Variants in PLA2G4E observed in about 807,000 individuals in gnomAD.
The protein encoded by PLA2G4E is phospholipase A2 group IVE, also known as cytosolic phospholipase A2 epsilon.
A neutral mutation model predicts 109.1 loss-of-function variants in PLA2G4E; 84 were observed. The ratio of observed to expected loss-of-function variants is 0.77; its 90% CI spans 0.65 to 0.92. The LOEUF (loss-of-function observed/expected upper bound fraction) is 0.92. PLA2G4E is among the 40% of genes least tolerant of loss of function. PLA2G4E has a pLI of 0.00. For missense variants in PLA2G4E, 1,057 were observed against 1,076.6 expected (o/e 0.98, Z 0.25); for synonymous variants, 469 against 436.1 (o/e 1.08, Z -0.94).
At chr15:42,049,829 C>T (rs943014906) in intron 1 of PLA2G4E, among the ~76,000 whole-genome samples, 2 of 152,218 alleles carry the variant, frequency 1.3e-5, no homozygotes, top group Admixed American at 1.3e-4. Context: ...CCCCAAATCA[C>T]TGAGAGCCTC....
intron 1 of PLA2G4E, among the ~76,000 whole-genome samples, chr15:42,047,448 G>GACTC (rs10635270): frequency 0.095 from 14,515 of 152,144 alleles, 739 homozygotes; most frequent in South Asian, 0.19. Flanking sequence ...CACTCTCAGT[G>GACTC]ACTCCCATGA....
At chr15:41,992,667 C>A in intron 13 of PLA2G4E, 70 bp downstream of exon 13, 4 of 1,475,182 alleles carry the variant, frequency 2.7e-6, no homozygotes, top group Non-Finnish European at 3.7e-6. Flanking sequence ...AGTCCTGACT[C>A]CCCTGAGGAA....
Position 42,004,914 on chromosome 15 carries a change from G to T in PLA2G4E, c.566+24C>A, listed in dbSNP as rs758861107. 8 of 1,611,696 alleles carry T rather than the reference G, an allele frequency of 5.0e-6. 1 individual carries two copies. In the South Asian group the frequency reaches 8.9e-5, roughly 18 times the overall value. On this transcript the variant is annotated intron_variant, in intron 5 of 19. Coordinates refer to ENST00000399518, the Ensembl canonical transcript of PLA2G4E. ...TACTTGATGGCCAGGACCTTGGTGG[G>T]CCCCGGGGCCTGGGCCTACTCACCT...
intron 13 of PLA2G4E, among the ~76,000 whole-genome samples, chr15:41,990,797 T>C (rs2068234813): frequency 2.1e-5 from 3 of 140,146 alleles, no homozygotes; most frequent in South Asian, 4.7e-4. Context: ...CACTAGATGG[T>C]TGCTGAGGTC....
In PLA2G4E at chr15:42,000,250, AG is replaced by A; in HGVS notation, c.705del (p.Phe236LeufsTer72). 1 of 1,578,052 alleles carries A rather than the reference AG, an allele frequency of 6.3e-7. No individual in the cohort carries two copies. The highest frequency in any genetic ancestry group is 1.2e-5 in the South Asian group (1 of 85,866). On this transcript the variant is annotated frameshift_variant, in exon 8 of 20. Transcript: ENST00000399518. LOFTEE classifies it high-confidence loss of function. ...GGCCGGACACGCTGGGTGTTCTCAAAGGATTCGTTCACCATCACCAGGAGGT... is the reference window on the plus strand; with the variant it reads ...GGCCGGACACGCTGGGTGTTCTCAAAGATTCGTTCACCATCACCAGGAGGT...
intron 1 of PLA2G4E, among the ~76,000 whole-genome samples, chr15:42,023,677 CA>C (rs1056535925): frequency 1.3e-5 from 2 of 152,046 alleles, no homozygotes; most frequent in African/African-American, 4.8e-5. Flanking sequence ...CCCACTCCCC[CA>C]CCCTTCCCAA....
chr15:41,989,669 G>A (rs1252988970), intron 14 of PLA2G4E, 117 bp from the exon 15 acceptor site: 7 of 1,373,298 alleles, frequency 5.1e-6, no homozygotes, highest in Non-Finnish European at 6.8e-6. Flanking sequence ...GGGACAGGGA[G>A]GCCGCAGTTC....
Position 41,989,559 on chromosome 15 carries a change from A to G in PLA2G4E, c.1586-7T>C, listed in dbSNP as rs550042662. 3.1e-6 allele frequency: 5 copies of G among 1,611,656 alleles called. No individual in the cohort carries two copies. In the East Asian group the frequency reaches 8.9e-5, roughly 29 times the overall value. ...GGGGAGAACTCGAACCACTCTGCAC[A>G]TGAAGCAGCAGGACGGGGGTCAGTC... On this transcript the variant is annotated splice_region_variant and splice_polypyrimidine_tract_variant and intron_variant, in intron 14 of 19. Transcript: ENST00000399518.
chr15:42,040,248 G>A (rs1279652262), intron 1 of PLA2G4E, among the ~76,000 whole-genome samples: 1 of 152,072 alleles, frequency 6.6e-6, no homozygotes, highest in Non-Finnish European at 1.5e-5. Flanking sequence ...TTAAGGCCTA[G>A]AGCATCCAGA....
At chr15:42,019,210 G>C (rs2068624806) in intron 1 of PLA2G4E, among the ~76,000 whole-genome samples, 1 of 152,200 alleles carries the variant, frequency 6.6e-6, no homozygotes, top group Non-Finnish European at 1.5e-5. Flanking sequence ...CAGGCCATGT[G>C]CTGGACTAGT....
chr15:42,005,110 G>A, intron 4 of PLA2G4E, 132 bp from the exon 5 acceptor site: 4 of 1,083,296 alleles, frequency 3.7e-6, no homozygotes, highest in Non-Finnish European at 5.5e-6. Flanking sequence ...CTGCCATGGA[G>A]TGTGCTTGTG....
At chr15:42,018,980 GT>G (rs908962566) in intron 1 of PLA2G4E, among the ~76,000 whole-genome samples, 9 of 152,222 alleles carry the variant, frequency 5.9e-5, no homozygotes, top group African/African-American at 1.7e-4. Flanking sequence ...TCTAGCTGCT[GT>G]GCATATGCTC....
In PLA2G4E at chr15:42,003,535, G is replaced by A. The variant is rs1468517326; in HGVS notation, c.567-839C>T. On this transcript the variant is annotated intron_variant, in intron 5 of 19. Transcript: ENST00000399518. ...CTAATTCAGCCTAGGAGTTTTCCCC[G>A]CCCTCTAAAAATTCTGTCAAATCAA... is the stretch of plus-strand genomic sequence containing the variant. Among the ~76,000 whole-genome samples, 9 of 152,272 alleles carry A rather than the reference G, an allele frequency of 5.9e-5. No homozygotes were observed. The South Asian group carries it at 6.2e-4, about 11-fold the overall frequency.
At chr15:41,987,281 G>T (rs2068157565) in exon 17 of PLA2G4E, 1 of 1,613,890 alleles carries the variant, frequency 6.2e-7, no homozygotes, top group South Asian at 1.1e-5. Flanking sequence ...GGATTTCTCG[G>T]AAAGAATTGG....
chr15:42,016,241 C>CTTTTTTTTTTTT (rs1168452228), intron 1 of PLA2G4E, among the ~76,000 whole-genome samples: 2 of 104,694 alleles, frequency 1.9e-5, no homozygotes, highest in Non-Finnish European at 3.9e-5. Flanking sequence ...TTTATCTTTA[C>CTTTTTTTTTTTT]TTTTTTTTTT....
rs563365632 is a variant in PLA2G4E, at chr15:42,000,963, C to T, written c.673+194G>A. Among the ~76,000 whole-genome samples the T allele has an allele frequency of 5.3e-5, 8 of 152,268 alleles. No homozygotes were observed. The East Asian group carries it at 5.8e-4, about 11-fold the overall frequency. ...GGTTATGTGGGTGCTTGGGCGAACA[C>T]GCCCTTTACAGAGCAGGATGGGAGG... On this transcript the variant is annotated intron_variant, in intron 7 of 19. Coordinates refer to ENST00000399518, the Ensembl canonical transcript of PLA2G4E.
intron 1 of PLA2G4E, among the ~76,000 whole-genome samples, chr15:42,029,493 T>C (rs547199455): frequency 6.6e-6 from 1 of 152,324 alleles, no homozygotes; most frequent in South Asian, 2.1e-4. Flanking sequence ...CAGGCTTTAT[T>C]TCCCTGCTCT....
intron 3 of PLA2G4E, 142 bp from the exon 4 acceptor site, chr15:42,006,263 A>C: frequency 1.9e-6 from 2 of 1,025,714 alleles, no homozygotes; most frequent in Non-Finnish European, 2.8e-6. Flanking sequence ...CAGATGTGAC[A>C]GACATTTGTA....
chr15:42,043,992 A>C (rs1418250937), intron 1 of PLA2G4E, among the ~76,000 whole-genome samples: 1 of 152,232 alleles, frequency 6.6e-6, no homozygotes, highest in Non-Finnish European at 1.5e-5. Flanking sequence ...CTTGGACCGC[A>C]AAGAACCTCA....
Sources: gnomAD v4.1 joint callset for allele counts (sites outside exome capture counted in the v4.1 genomes callset) on GRCh38, gnomAD v4.1.1 for gene constraint, MANE v1.5 for transcripts, NCBI Gene and HGNC (gene_info 2026-07-23, HGNC 2026-07-21) for gene names.